S100A8: variants seen among roughly 807,000 people sequenced by gnomAD.
S100A8 encodes S100 calcium binding protein A8.
A neutral mutation model predicts 4.2 loss-of-function variants in S100A8; 1 was observed. That is an observed-to-expected ratio of 0.24 (90% confidence interval 0.08 to 1.12). The LOEUF is 1.12. Ranked by LOEUF, S100A8 falls within the 50% of genes most tolerant of loss-of-function variation. The pLI is 0.53. For synonymous variants in S100A8, 41 were observed against 44.7 expected (o/e 0.92, Z 0.33); for missense variants, 96 against 111.8 (o/e 0.86, Z 0.64).
the S100A8 span, among the ~76,000 whole-genome samples, chr1:153,418,719 A>G: frequency 6.6e-6 from 1 of 152,238 alleles, no homozygotes; most frequent in Non-Finnish European, 1.5e-5. Flanking sequence ...GGGAACCCAG[A>G]AGATGAGTTT....
At position 153,390,522 on chromosome 1, in the gene S100A8, A is replaced by G; in HGVS notation, c.14T>C (p.Leu5Pro). Residue 5 changes from leucine (L) to proline (P), a missense_variant, in exon 2 of 3, where the codon CTG (leucine) becomes CCG (proline). Coordinates refer to ENST00000368733, the MANE Select transcript of S100A8 (RefSeq NM_002964.5). ...GATGATAGAGTTCAAGGCTTTCTCC[A>G]GCTCGGTCAACATGATGCCCACGGA... Reference protein sequence around the residue: MLTELEKALNSIIDV... With the variant: MLTEPEKALNSIIDV... 6.2e-7 allele frequency: 1 copy of G among 1,614,202 alleles called. No individual in the cohort carries two copies. Among genetic ancestry groups the G allele is most frequent in the Non-Finnish European group, 8.5e-7 (1 of 1,180,030 alleles).
In S100A8 at chr1:153,390,119, T is replaced by C; in HGVS notation, c.266A>G (p.Glu89Gly). The C allele has an allele frequency of 1.2e-6, 2 of 1,613,768 alleles. No individual in the cohort carries two copies. Among genetic ancestry groups the C allele is most frequent in the Non-Finnish European group, 1.7e-6 (2 of 1,179,852 alleles). The change falls in exon 3 of 3, where the codon GAA becomes GGA. Residue 89 changes from glutamate (E) to glycine (G), a missense_variant. By Grantham distance (98) the Glu-to-Gly change is moderately conservative. Coordinates refer to ENST00000368733, the MANE Select transcript of S100A8 (RefSeq NM_002964.5). ...GTAACTCAGCTACTCTTTGTGGCTT[T>C]CTTCATGGCTTTTTTTGTGGGCTGC... ...GVAAHKKSHE[E>G]SHKE
upstream of S100A8, among the ~76,000 whole-genome samples, chr1:153,392,697 G>C (rs1421281330): frequency 6.6e-6 from 1 of 152,194 alleles, no homozygotes; most frequent in Non-Finnish European, 1.5e-5. Flanking sequence ...CAGCTCTCCT[G>C]TTCTGTGAAG....
At chr1:153,411,470 G>A in the S100A8 span, among the ~76,000 whole-genome samples, 1 of 152,170 alleles carries the variant, frequency 6.6e-6, no homozygotes, top group African/African-American at 2.4e-5. Flanking sequence ...ACTGCTCAAC[G>A]AAATAAGAGA....
the S100A8 span, chr1:153,421,670 G>A: frequency 6.6e-6 from 1 of 152,202 alleles, no homozygotes; most frequent in Admixed American, 6.5e-5. Context: ...AGTTCCCTCA[G>A]GACTCACGTA....
chr1:153,408,983 A>C, the S100A8 span, among the ~76,000 whole-genome samples: 2 of 152,236 alleles, frequency 1.3e-5, no homozygotes, highest in Non-Finnish European at 2.9e-5. Context: ...GGAAGCACTA[A>C]ACATGGAAAG....
upstream of S100A8, among the ~76,000 whole-genome samples, chr1:153,393,087 T>A (rs1055051151): frequency 6.6e-6 from 1 of 152,196 alleles, no homozygotes; most frequent in Admixed American, 6.5e-5. Flanking sequence ...GACATAGTAA[T>A]TCAGCGTATC....
At chr1:153,419,364 C>G in the S100A8 span, 1 of 1,522,458 alleles carries the variant, frequency 6.6e-7, no homozygotes, top group Non-Finnish European at 8.9e-7. Context: ...TGTCTCCTCC[C>G]ACCAGACACT....
chr1:153,415,579 G>C, the S100A8 span, among the ~76,000 whole-genome samples: 1 of 152,096 alleles, frequency 6.6e-6, no homozygotes, highest in East Asian at 1.9e-4. Flanking sequence ...TATAGCCAAG[G>C]GCACAACTCC....
chr1:153,418,205 C>A, the S100A8 span: 1 of 1,613,998 alleles, frequency 6.2e-7, no homozygotes, highest in East Asian at 2.2e-5. Context: ...AGAACTTCCC[C>A]AATTTCCTCA....
intron 1 of S100A8, 46 bp from the exon 2 acceptor site, chr1:153,390,603 A>G: frequency 6.2e-7 from 1 of 1,604,076 alleles, no homozygotes; most frequent in Non-Finnish European, 8.5e-7. Context: ...GGGAATTTGC[A>G]TCTGGCCAGG....
chr1:153,405,235 T>C, the S100A8 span, among the ~76,000 whole-genome samples: 807 of 151,808 alleles, frequency 5.3e-3, 6 homozygotes, highest in South Asian at 0.021. Context: ...GGTCACTTCC[T>C]AGCACTGTCT....
At chr1:153,410,735 A>G in the S100A8 span, among the ~76,000 whole-genome samples, 3 of 152,234 alleles carry the variant, frequency 2.0e-5, no homozygotes, top group African/African-American at 7.2e-5. Context: ...AATCCTCAAT[A>G]AAATACTGGC....
chr1:153,414,371 A>G, the S100A8 span, among the ~76,000 whole-genome samples: 13 of 152,364 alleles, frequency 8.5e-5, no homozygotes, highest in African/African-American at 3.1e-4. Context: ...CAGACTTTGT[A>G]TGTTATCCAA....
chr1:153,419,350 T>A, the S100A8 span: 1 of 1,584,640 alleles, frequency 6.3e-7, no homozygotes, highest in Non-Finnish European at 8.6e-7. Flanking sequence ...CCAGGAACAA[T>A]AAGTGTCTCC....
the S100A8 span, among the ~76,000 whole-genome samples, chr1:153,414,711 T>C: frequency 6.6e-6 from 1 of 152,158 alleles, no homozygotes. Flanking sequence ...GGTGCTTTCT[T>C]AAAAAACTAA....
At chr1:153,405,322 T>G in the S100A8 span, among the ~76,000 whole-genome samples, 1 of 149,568 alleles carries the variant, frequency 6.7e-6, no homozygotes, top group Non-Finnish European at 1.5e-5. Flanking sequence ...AGCAAACCCA[T>G]TCGACAGGAT....
upstream of S100A8, among the ~76,000 whole-genome samples, chr1:153,391,807 C>A (rs1001808861): frequency 2.0e-5 from 3 of 152,150 alleles, no homozygotes; most frequent in African/African-American, 7.2e-5. Context: ...ATAAACACAG[C>A]AGGGAGCCTT....
the S100A8 span, among the ~76,000 whole-genome samples, chr1:153,406,954 C>A: frequency 6.6e-6 from 1 of 152,216 alleles, no homozygotes; most frequent in African/African-American, 2.4e-5. Flanking sequence ...AACAAATGAT[C>A]AGTTTTTTGG....
Sources: allele counts gnomAD v4.1 joint callset (sites outside exome capture counted in the v4.1 genomes callset), GRCh38; gene constraint gnomAD v4.1.1; transcripts MANE v1.5; gene names NCBI Gene and HGNC (gene_info 2026-07-23, HGNC 2026-07-21).